EYS: variants seen among roughly 807,000 people sequenced by gnomAD.
The protein encoded by EYS is EGF-like photoreceptor maintenance factor, also known as protein eyes shut homolog.
In EYS, 250 loss-of-function variants were observed where a neutral mutation model predicts 282.1. That is an observed-to-expected ratio of 0.89 (90% CI 0.80 to 0.98). EYS has a LOEUF of 0.98. Among genes scored for constraint, EYS ranks in the 50% least tolerant of loss-of-function variants. The pLI, the probability that EYS is intolerant of heterozygous loss-of-function variation, is 0.00. For synonymous variants in EYS, 1,355 were observed against 1,282.9 expected (o/e 1.06, Z -1.20); for missense variants, 4,016 against 3,709.0 (o/e 1.08, Z -2.15).
chr6:64,776,687 TA>T lies in EYS; in HGVS notation c.3443+36690del, dbSNP rs1773686891. Reference sequence around the variant, plus strand: ...ATTAGCCTTTCACATATATTTCAAATAAAAATGTAATTATATTAGTAATAAT... The same window carrying T: ...ATTAGCCTTTCACATATATTTCAAATAAAATGTAATTATATTAGTAATAAT... On this transcript the variant is annotated intron_variant, in intron 22 of 42. Coordinates refer to ENST00000503581, the MANE Select transcript of EYS (RefSeq NM_001142800.2). 2.0e-5 allele frequency among the ~76,000 whole-genome samples: 3 copies of T among 152,192 alleles called. No individual in the cohort carries two copies. The South Asian group carries it at 6.2e-4, about 32-fold the overall frequency.
At chr6:65,618,820 C>T (rs943097647) in intron 2 of EYS, among the ~76,000 whole-genome samples, 8 of 152,084 alleles carry the variant, frequency 5.3e-5, no homozygotes, top group African/African-American at 1.9e-4. Flanking sequence ...ATCCTTTCCC[C>T]ATTGCTTGTT....
At chr6:65,675,822 C>T (rs1768568027) in intron 1 of EYS, among the ~76,000 whole-genome samples, 1 of 151,862 alleles carries the variant, frequency 6.6e-6, no homozygotes, top group African/African-American at 2.4e-5. Flanking sequence ...ACATATTCTT[C>T]TCCAGGTAAG....
At chr6:64,546,248 C>T (rs867824172) in intron 26 of EYS, among the ~76,000 whole-genome samples, 1 of 152,062 alleles carries the variant, frequency 6.6e-6, no homozygotes, top group Non-Finnish European at 1.5e-5. Context: ...CTTTGACAAA[C>T]CTGACAAAAA....
intron 26 of EYS, among the ~76,000 whole-genome samples, chr6:64,446,934 G>T (rs1324804460): frequency 6.7e-6 from 1 of 149,848 alleles, no homozygotes; most frequent in Non-Finnish European, 1.5e-5. Flanking sequence ...CAGGTTTCTT[G>T]AAAGCAATAT....
chr6:64,278,297 G>A (rs969319340), intron 30 of EYS, among the ~76,000 whole-genome samples: 1 of 151,776 alleles, frequency 6.6e-6, no homozygotes, highest in Non-Finnish European at 1.5e-5. Flanking sequence ...ATTATCTTTG[G>A]AATAAAATAT....
chr6:65,058,430 C>G (rs1241582103), intron 12 of EYS, among the ~76,000 whole-genome samples: 3 of 151,388 alleles, frequency 2.0e-5, no homozygotes, highest in Non-Finnish European at 4.4e-5. Flanking sequence ...GAATTACAGA[C>G]ATGGGCCACT....
chr6:64,913,898 A>T (rs1411932321), intron 15 of EYS, among the ~76,000 whole-genome samples: 1 of 152,126 alleles, frequency 6.6e-6, no homozygotes, highest in East Asian at 1.9e-4. Context: ...ATTGAAGGGA[A>T]AGCAAACAAA....
At chr6:64,507,764 C>A (rs1306445722) in intron 26 of EYS, among the ~76,000 whole-genome samples, 2 of 152,130 alleles carry the variant, frequency 1.3e-5, no homozygotes, top group Non-Finnish European at 2.9e-5. Flanking sequence ...TTTAAAAATT[C>A]CACTGGTTAA....
chr6:64,316,288 G>T (rs1769958692), intron 29 of EYS, among the ~76,000 whole-genome samples: 1 of 152,134 alleles, frequency 6.6e-6, no homozygotes, highest in Admixed American at 6.6e-5. Context: ...GTCTCTGTTT[G>T]CAGATGATGT....
intron 13 of EYS, among the ~76,000 whole-genome samples, chr6:65,046,190 C>A (rs1459541166): frequency 6.6e-6 from 1 of 151,824 alleles, no homozygotes; most frequent in Non-Finnish European, 1.5e-5. Context: ...GGCTACAGAG[C>A]ACCAATAGAG....
chr6:65,316,692 A>T (rs1260835922), intron 11 of EYS, among the ~76,000 whole-genome samples: 5 of 151,656 alleles, frequency 3.3e-5, no homozygotes, highest in Admixed American at 2.0e-4. Context: ...ATGTGTTCTC[A>T]TTGTTCAACT....
At chr6:65,250,236 G>C (rs1350529625) in intron 12 of EYS, among the ~76,000 whole-genome samples, 1 of 151,994 alleles carries the variant, frequency 6.6e-6, no homozygotes, top group Non-Finnish European at 1.5e-5. Context: ...TTATATGCAT[G>C]ATGAAGTCTG....
intron 22 of EYS, among the ~76,000 whole-genome samples, chr6:64,656,641 C>G (rs1317694228): frequency 6.6e-6 from 1 of 152,114 alleles, no homozygotes; most frequent in East Asian, 1.9e-4. Flanking sequence ...CCGTAAAAAA[C>G]ACACACTTCA....
At chr6:64,655,699 A>T (rs2149882107) in intron 22 of EYS, among the ~76,000 whole-genome samples, 1 of 152,138 alleles carries the variant, frequency 6.6e-6, no homozygotes, top group Admixed American at 6.5e-5. Flanking sequence ...CTATATATAT[A>T]ATAAGTCATG....
chr6:65,352,336 A>C (rs1387657385), intron 9 of EYS, among the ~76,000 whole-genome samples: 1 of 151,892 alleles, frequency 6.6e-6, no homozygotes, highest in Non-Finnish European at 1.5e-5. Context: ...TTGTTTGTAA[A>C]CTGAAGTGCC....
chr6:65,340,050 G>T (rs73443165), intron 10 of EYS, among the ~76,000 whole-genome samples: 8 of 150,976 alleles, frequency 5.3e-5, no homozygotes, highest in African/African-American at 1.9e-4. Flanking sequence ...AACTAAAAGG[G>T]AACAGATTTT....
At chr6:65,557,804 A>C (rs1436704955) in intron 2 of EYS, among the ~76,000 whole-genome samples, 1 of 152,140 alleles carries the variant, frequency 6.6e-6, no homozygotes, top group African/African-American at 2.4e-5. Context: ...TGAGTGACAG[A>C]ATAGCTCTCA....
At chr6:64,434,618 C>G (rs1187283790) in intron 28 of EYS, among the ~76,000 whole-genome samples, 1 of 151,968 alleles carries the variant, frequency 6.6e-6, no homozygotes, top group Non-Finnish European at 1.5e-5. Flanking sequence ...CCTGTAGCTT[C>G]AAACTTACAG....
At chr6:65,440,219 A>G (rs1177273155) in intron 5 of EYS, among the ~76,000 whole-genome samples, 1 of 152,080 alleles carries the variant, frequency 6.6e-6, no homozygotes, top group Non-Finnish European at 1.5e-5. Context: ...ACTCTATACC[A>G]GTGATACGTA....
Sources: allele counts gnomAD v4.1 joint callset (sites outside exome capture counted in the v4.1 genomes callset), GRCh38; gene constraint gnomAD v4.1.1; transcripts MANE v1.5; gene names NCBI Gene and HGNC (gene_info 2026-07-23, HGNC 2026-07-21).